ZZZ3: variants seen among roughly 807,000 people sequenced by gnomAD.
ZZZ3 encodes ZZ-type zinc finger-containing protein 3.
Under a neutral mutation model 95.2 loss-of-function variants are expected in ZZZ3, and 22 were observed. The observed-to-expected ratio is 0.23, with a 90% CI of 0.17 to 0.33. The LOEUF is 0.33. Among genes scored for constraint, ZZZ3 ranks in the 10% least tolerant of loss-of-function variants. The probability of loss-of-function intolerance (pLI) is 1.00; values close to 1 mark genes in which losing one functional copy is unlikely to be tolerated. For synonymous variants in ZZZ3, 335 were observed against 358.9 expected, an observed-to-expected ratio of 0.93 and a Z score of 0.75; for missense variants, 885 against 1,066.5, an observed-to-expected ratio of 0.83 and a Z score of 2.37.
At chr1:77,570,134 A>G (rs1230978086) in intron 12 of ZZZ3, among the ~76,000 whole-genome samples, 1 of 152,006 alleles carries the variant, frequency 6.6e-6, no homozygotes, top group Admixed American at 6.6e-5. Flanking sequence ...ACAGAGTTTC[A>G]CTCTGTCACC....
chr1:77,645,022 G>A (rs967166464), intron 1 of ZZZ3, among the ~76,000 whole-genome samples: 28 of 151,890 alleles, frequency 1.8e-4, no homozygotes, highest in Non-Finnish European at 3.1e-4. Flanking sequence ...CCAGGAGTTC[G>A]AGACCAGCTT....
Position 77,639,394 on chromosome 1 carries a change from A to G in ZZZ3, c.-52+55T>C, listed in dbSNP as rs976123367. The G allele has an allele frequency of 1.3e-5, 18 of 1,365,330 alleles. No individual in the cohort carries two copies. The African/African-American group carries it at 2.5e-4, about 19-fold the overall frequency. 84.6% of individuals were successfully genotyped at this position (1,365,330 alleles called of 1,614,324 possible). On this transcript the variant is annotated intron_variant, in intron 4 of 14. Transcript: ENST00000370801. ...AGTCTCCCCATCTCAAAAAAAAAAA[A>G]GAAGAAGAAGTCAAACTATAGCTGT... is the stretch of plus-strand genomic sequence containing the variant.
rs1660739936 is a variant in ZZZ3 at position 77,565,579 on chromosome 1, A to AT, written c.*60dup. ...AGAATCTTTCCAAACTGTGCACATA[A>AT]TTAACAATGATACCATTGCTATGTG... On this transcript the variant is annotated 3_prime_UTR_variant, in exon 15 of 15. Transcript: ENST00000370801. 1.3e-6 allele frequency: 2 copies of AT among 1,529,852 alleles called. No homozygotes were observed. The highest frequency in any genetic ancestry group is 1.8e-6 in the Non-Finnish European group (2 of 1,118,712). 94.8% of individuals were successfully genotyped at this position (1,529,852 alleles called of 1,614,324 possible). A position where few individuals can be genotyped will look rare whatever the true frequency, so the allele number is the denominator to read the frequency against.
chr1:77,667,763 CT>C (rs34939314), intron 1 of ZZZ3, among the ~76,000 whole-genome samples: 35,804 of 114,996 alleles, frequency 0.31, 4,528 homozygotes, highest in African/African-American at 0.49. Context: ...AATGGGTATT[CT>C]TTTTTTTTTT....
intron 5 of ZZZ3, among the ~76,000 whole-genome samples, chr1:77,621,049 G>A (rs901576142): frequency 5.9e-5 from 9 of 152,136 alleles, no homozygotes; most frequent in African/African-American, 1.9e-4. Flanking sequence ...ATAATTGGAA[G>A]GCAGTTGTAG....
At chr1:77,669,790 T>C (rs1394750439) in intron 1 of ZZZ3, among the ~76,000 whole-genome samples, 3 of 151,980 alleles carry the variant, frequency 2.0e-5, no homozygotes. Flanking sequence ...AAAAGGTTTA[T>C]AGATTAAAGT....
chr1:77,603,039 AC>A (rs1664891806), intron 5 of ZZZ3, among the ~76,000 whole-genome samples: 1 of 151,942 alleles, frequency 6.6e-6, no homozygotes, highest in Non-Finnish European at 1.5e-5. Flanking sequence ...AAAAAAAAAA[AC>A]TTCTGAAAAC....
intron 5 of ZZZ3, among the ~76,000 whole-genome samples, chr1:77,593,258 A>T (rs1663893224): frequency 1.3e-5 from 2 of 152,212 alleles, no homozygotes; most frequent in African/African-American, 4.8e-5. Context: ...GACATCCCAT[A>T]CCTAGGTACG....
At chr1:77,661,466 T>C (rs572944152) in intron 1 of ZZZ3, among the ~76,000 whole-genome samples, 36 of 151,980 alleles carry the variant, frequency 2.4e-4, no homozygotes, top group African/African-American at 8.4e-4. Flanking sequence ...ACCAAGTAAA[T>C]TTCCAATGCA....
chr1:77,676,032 TATG>T (rs2101078892), intron 1 of ZZZ3, among the ~76,000 whole-genome samples: 1 of 152,374 alleles, frequency 6.6e-6, no homozygotes, highest in East Asian at 1.9e-4. Flanking sequence ...CTTAGAGGTA[TATG>T]ATATCAAGTT....
chr1:77,646,956 T>A (rs1167814460), intron 1 of ZZZ3, among the ~76,000 whole-genome samples: 1 of 152,078 alleles, frequency 6.6e-6, no homozygotes, highest in Non-Finnish European at 1.5e-5. Context: ...AGAGGCAAGA[T>A]CTCAGATAAT....
At position 77,565,779 on chromosome 1, in the gene ZZZ3, T is replaced by G; in HGVS notation, c.2573A>C (p.His858Pro). The stretch of plus-strand genomic sequence containing the variant: ...ATCTTCCTTGTGAATATCTGTTTCA[T>G]GTAGACTGTAAAGAAAAAAAGACAC... ...DFCDSCSDCL[H>P]ETDIHKEDHQ... is the part of the protein sequence containing the mutation. The change falls in exon 15 of 15, where the codon CAT becomes CCT. Residue 858 changes from histidine (H) to proline (P), a missense_variant. By Grantham distance (77) the His-to-Pro change is moderately conservative (BLOSUM62 -2). Coordinates refer to ENST00000370801, the MANE Select transcript of ZZZ3 (RefSeq NM_015534.6). 6.2e-7 allele frequency: 1 copy of G among 1,611,840 alleles called. No individual in the cohort carries two copies. Among genetic ancestry groups the G allele is most frequent in the Non-Finnish European group, 8.5e-7 (1 of 1,178,994 alleles).
At position 77,659,317 on chromosome 1, in the gene ZZZ3, G is replaced by A. The variant is rs185704472; in HGVS notation, c.-402-17662C>T. ...AAAAATGTTTAATTTAGTTTAATTCGATTTATTATCTCATTGAATTTTTCT... is the reference window on the plus strand; with the variant it reads ...AAAAATGTTTAATTTAGTTTAATTCAATTTATTATCTCATTGAATTTTTCT... On this transcript the variant is annotated intron_variant, in intron 1 of 14. Coordinates refer to ENST00000370801, the MANE Select transcript of ZZZ3 (RefSeq NM_015534.6). 3.1e-3 allele frequency among the ~76,000 whole-genome samples: 466 copies of A among 152,038 alleles called. 6 individuals carry two copies. The highest frequency in any genetic ancestry group is 0.015 in the East Asian group (76 of 5,178).
intron 5 of ZZZ3, among the ~76,000 whole-genome samples, chr1:77,630,754 T>C: frequency 6.6e-6 from 1 of 151,392 alleles, no homozygotes; most frequent in East Asian, 2.0e-4. Context: ...GAAAGACCAC[T>C]GTATTACCAT....
At chr1:77,617,691 C>T (rs1398354528) in intron 5 of ZZZ3, among the ~76,000 whole-genome samples, 2 of 151,278 alleles carry the variant, frequency 1.3e-5, no homozygotes, top group East Asian at 3.9e-4. Flanking sequence ...GTAATCCCAG[C>T]ACTTTGGGAG....
At chr1:77,635,116 T>C (rs934033981) in intron 4 of ZZZ3, among the ~76,000 whole-genome samples, 8 of 152,186 alleles carry the variant, frequency 5.3e-5, no homozygotes, top group Non-Finnish European at 8.8e-5. Context: ...GGAAGAATTA[T>C]AGAAGACACA....
rs191090911 is a variant in ZZZ3, at chr1:77,659,109, T to C, written c.-402-17454A>G. ...GGCACATGCCTGTAATCCCAGCTACTAGGGAGGCTGAGTCAGGAGAACTGC... is the reference window on the plus strand; with the variant it reads ...GGCACATGCCTGTAATCCCAGCTACCAGGGAGGCTGAGTCAGGAGAACTGC... On this transcript the variant is annotated intron_variant, in intron 1 of 14. Transcript: ENST00000370801. Among the ~76,000 whole-genome samples the C allele has an allele frequency of 2.3e-4, 35 of 152,024 alleles. No homozygotes were observed. The East Asian group carries it at 6.4e-3, about 28-fold the overall frequency.
At chr1:77,657,164 T>C (rs969371625) in intron 1 of ZZZ3, among the ~76,000 whole-genome samples, 1 of 152,170 alleles carries the variant, frequency 6.6e-6, no homozygotes, top group African/African-American at 2.4e-5. Context: ...CTATTTTTAG[T>C]AGAGATGGGG....
At chr1:77,636,982 C>T (rs572888618) in intron 4 of ZZZ3, among the ~76,000 whole-genome samples, 1 of 152,258 alleles carries the variant, frequency 6.6e-6, no homozygotes, top group East Asian at 1.9e-4. Context: ...TAACAAGGAT[C>T]CTTGTGGTAC....
Sources: allele counts gnomAD v4.1 joint callset (sites outside exome capture counted in the v4.1 genomes callset), GRCh38; gene constraint gnomAD v4.1.1; transcripts MANE v1.5; gene names NCBI Gene and HGNC (gene_info 2026-07-23, HGNC 2026-07-21).